Variants in BRAF observed in about 807,000 individuals in gnomAD.
BRAF encodes the protein B-Raf proto-oncogene, serine/threonine kinase, also known as serine/threonine-protein kinase B-raf.
A neutral mutation model predicts 104.6 loss-of-function variants in BRAF; 16 were observed. That is an observed-to-expected ratio of 0.15 (90% confidence interval 0.10 to 0.23). The LOEUF (loss-of-function observed/expected upper bound fraction) is 0.23, where lower values mean the gene tolerates loss of function less well. Among genes scored for constraint, BRAF ranks in the 10% least tolerant of loss-of-function variants. The probability of loss-of-function intolerance (pLI) is 1.00; values close to 1 mark genes in which losing one functional copy is unlikely to be tolerated. For synonymous variants in BRAF, 310 were observed against 341.6 expected (o/e 0.91, Z 1.02); for missense variants, 541 against 937.3 (o/e 0.58, Z 5.52).
intron 1 of BRAF, among the ~76,000 whole-genome samples, chr7:140,913,510 G>A (rs71543388): frequency 9.3e-6 from 1 of 107,560 alleles, no homozygotes; most frequent in African/African-American, 3.7e-5. Context: ...GTGAGACAGA[G>A]TCTCGCTCTG....
intron 1 of BRAF, among the ~76,000 whole-genome samples, chr7:140,873,905 C>T (rs1811896568): frequency 6.6e-6 from 1 of 152,096 alleles, no homozygotes; most frequent in Non-Finnish European, 1.5e-5. Flanking sequence ...TGAACAAAAC[C>T]TCTGACAAAT....
At chr7:140,803,404 AG>A (rs1256741645) in intron 5 of BRAF, among the ~76,000 whole-genome samples, 3 of 152,254 alleles carry the variant, frequency 2.0e-5, no homozygotes, top group Non-Finnish European at 4.4e-5. Context: ...TGACAGAATC[AG>A]AACCCCTGAT....
chr7:140,764,592 C>T (rs1008390288), intron 14 of BRAF, among the ~76,000 whole-genome samples: 1 of 152,174 alleles, frequency 6.6e-6, no homozygotes, highest in Admixed American at 6.5e-5. Context: ...TAAGCAACTT[C>T]AGCAAAGTCT....
At chr7:140,846,051 G>A (rs955605334) in intron 2 of BRAF, among the ~76,000 whole-genome samples, 4 of 152,012 alleles carry the variant, frequency 2.6e-5, no homozygotes, top group East Asian at 1.9e-4. Flanking sequence ...AACCCCATGC[G>A]ATGCCAGTAG....
rs189020699 is a variant in BRAF at position 140,778,213 on chromosome 7, T to C, written c.1553-138A>G. On this transcript the variant is annotated intron_variant, in intron 12 of 19. Transcript: ENST00000644969. ...AATCACAAATAAATTATACTTTAGC[T>C]ATCTAAACTCCATTTGTTTTCTAAG... 3.3e-4 allele frequency: 259 copies of C among 791,486 alleles called. 1 individual carries two copies. Among genetic ancestry groups the C allele is most frequent in the Non-Finnish European group, 5.0e-4 (236 of 476,392 alleles). The allele number at this position is 791,486 out of a possible 1,614,324, so 49.0% of individuals were successfully genotyped here.
At chr7:140,859,190 G>C (rs1418576148) in intron 1 of BRAF, among the ~76,000 whole-genome samples, 1 of 152,206 alleles carries the variant, frequency 6.6e-6, no homozygotes, top group Middle Eastern at 3.2e-3. Flanking sequence ...AAGAGAGACA[G>C]AGTCAGATGA....
chr7:140,782,995 GA>G (rs748096165), intron 11 of BRAF, 25 bp downstream of exon 10: 8 of 1,611,284 alleles, frequency 5.0e-6, no homozygotes, highest in Non-Finnish European at 6.8e-6. Flanking sequence ...AGAATTCAGA[GA>G]AAAAAAGATA....
intron 1 of BRAF, among the ~76,000 whole-genome samples, chr7:140,855,677 C>A (rs1165195092): frequency 6.6e-6 from 1 of 151,400 alleles, no homozygotes; most frequent in Non-Finnish European, 1.5e-5. Context: ...TTCTAAATTA[C>A]TTTAAGAAGC....
In BRAF at chr7:140,871,191, G is replaced by A. The variant is rs368128677; in HGVS notation, c.139-20979C>T. Among the ~76,000 whole-genome samples the A allele has an allele frequency of 5.1e-5, 7 of 138,380 alleles. No individual in the cohort carries two copies. In the South Asian group the frequency reaches 6.8e-4, roughly 13 times the overall value. 90.8% of individuals were successfully genotyped at this position (138,380 alleles called of 152,430 possible). A position where few individuals can be genotyped will look rare whatever the true frequency, so the allele number is the denominator to read the frequency against. On this transcript the variant is annotated intron_variant, in intron 1 of 19. Transcript: ENST00000644969. ...CGGGAGGCGGAGCTTGCAGTGAGCC[G>A]AGATCGCGCCACTACTCCAGCCTGG...
intron 1 of BRAF, among the ~76,000 whole-genome samples, chr7:140,880,943 A>G (rs1052586216): frequency 1.3e-5 from 2 of 152,178 alleles, no homozygotes; most frequent in African/African-American, 4.8e-5. Context: ...CTGGGCAAGA[A>G]TGAGACCCTG....
chr7:140,851,625 C>T (rs993087734), intron 1 of BRAF, among the ~76,000 whole-genome samples: 1 of 151,970 alleles, frequency 6.6e-6, no homozygotes, highest in Non-Finnish European at 1.5e-5. Context: ...AAGGATATAC[C>T]TATTTTAAAA....
chr7:140,835,476 C>G (rs1270169655), intron 2 of BRAF: 1 of 153,598 alleles, frequency 6.5e-6, no homozygotes, highest in East Asian at 1.9e-4. Context: ...AGTTAAAATA[C>G]TTTACTCTTC....
intron 1 of BRAF, among the ~76,000 whole-genome samples, chr7:140,910,363 C>T (rs1160871637): frequency 6.6e-6 from 1 of 152,210 alleles, no homozygotes. Flanking sequence ...TAGCCCATAA[C>T]AACTTCCCAT....
At chr7:140,850,051 T>C in intron 2 of BRAF, 60 bp downstream of exon 2, 1 of 1,240,720 alleles carries the variant, frequency 8.1e-7, no homozygotes, top group Non-Finnish European at 1.2e-6. Flanking sequence ...AGTACAAATG[T>C]TTTTATAAGT....
chr7:140,852,455 T>A (rs1318300878), intron 1 of BRAF, among the ~76,000 whole-genome samples: 2 of 150,840 alleles, frequency 1.3e-5, no homozygotes, highest in African/African-American at 4.9e-5. Flanking sequence ...TCAAGCTCCA[T>A]CTCAGATCTA....
At chr7:140,859,822 G>C (rs1034368403) in intron 1 of BRAF, among the ~76,000 whole-genome samples, 1 of 151,686 alleles carries the variant, frequency 6.6e-6, no homozygotes. Context: ...CAAGTAGCTG[G>C]GACTACAGGT....
chr7:140,834,670 T>A lies in BRAF; in HGVS notation c.443A>T (p.Asn148Ile), dbSNP rs773266363. 1 of 1,614,136 alleles carries A rather than the reference T, an allele frequency of 6.2e-7. No individual in the cohort carries two copies. The highest frequency in any genetic ancestry group is 1.1e-5 in the South Asian group (1 of 91,078). The part of the protein sequence containing the change: ...FQNPTDVARS[N>I]PKSPQKPIVR... ...GATAGGTTTTTGTGGTGACTTGGGG[T>A]TGCTCCGTGCCACATCTGTGGGATT... Residue 148 changes from asparagine to isoleucine, a missense_variant, in exon 3 of 20, where the codon AAC becomes ATC. Physicochemically the swap from Asn to Ile is moderately radical, Grantham distance 149. Coordinates refer to ENST00000644969, the MANE Select transcript of BRAF (RefSeq NM_001374258.1).
At chr7:140,904,644 G>A (rs1442180420) in intron 1 of BRAF, among the ~76,000 whole-genome samples, 5 of 151,952 alleles carry the variant, frequency 3.3e-5, no homozygotes, top group South Asian at 2.1e-4. Flanking sequence ...AGGGAGTCTC[G>A]CTCTCTCAGA....
intron 1 of BRAF, among the ~76,000 whole-genome samples, chr7:140,850,679 C>A (rs924810234): frequency 6.6e-6 from 1 of 152,238 alleles, no homozygotes; most frequent in African/African-American, 2.4e-5. Context: ...CTCTCCACGT[C>A]AATATGCATA....
Sources: gnomAD v4.1 joint callset for allele counts (sites outside exome capture counted in the v4.1 genomes callset) on GRCh38, gnomAD v4.1.1 for gene constraint, MANE v1.5 for transcripts, NCBI Gene and HGNC (gene_info 2026-07-23, HGNC 2026-07-21) for gene names.